The following MED13L variants were observed in gnomAD, a reference collection of about 807,000 sequenced individuals.
MED13L encodes mediator complex subunit 13L.
Under a neutral mutation model 220.9 loss-of-function variants are expected in MED13L, and 7 were observed. The ratio of observed to expected loss-of-function variants is 0.03; its 90% CI spans 0.02 to 0.06. The LOEUF is 0.06. Ranked by LOEUF, MED13L falls within the 10% of genes least tolerant of loss-of-function variation. The pLI, the probability that MED13L is intolerant of heterozygous loss-of-function variation, is 1.00. For synonymous variants in MED13L, 1,011 were observed against 1,015.2 expected (o/e 1.00, Z 0.08); for missense variants, 1,965 against 2,760.5 (o/e 0.71, Z 6.46).
intron 23 of MED13L, 108 bp downstream of exon 23, chr12:115,980,642 T>C (rs957124052): frequency 5.1e-6 from 6 of 1,175,856 alleles, no homozygotes; most frequent in African/African-American, 3.0e-5. Context: ...CTTATATCAA[T>C]GTAGAAGACC....
At chr12:116,124,577 G>GA (rs1007054773) in intron 2 of MED13L, among the ~76,000 whole-genome samples, 6 of 151,404 alleles carry the variant, frequency 4.0e-5, no homozygotes, top group African/African-American at 9.7e-5. Flanking sequence ...CTCCAAGACA[G>GA]AAAAAAAACT....
intron 2 of MED13L, chr12:116,181,396 T>C (rs550238643): frequency 5.3e-5 from 8 of 152,308 alleles, no homozygotes; most frequent in African/African-American, 1.9e-4. Flanking sequence ...CAAACCTAAA[T>C]TTCCTTTGCA....
intron 1 of MED13L, among the ~76,000 whole-genome samples, chr12:116,240,783 T>A (rs1565944736): frequency 1.2e-4 from 18 of 150,840 alleles, no homozygotes. Flanking sequence ...CACCTCCGCC[T>A]CCCAAAGTGC....
In MED13L at chr12:115,983,324, G is replaced by A; in HGVS notation, c.4748C>T (p.Ser1583Phe). The change falls in exon 21 of 31, where the codon TCT (serine) becomes TTT (phenylalanine). Residue 1583 changes from serine (S) to phenylalanine (F), a missense_variant. Transcript: ENST00000281928. ...GGCAGACGATGAGACCGGTGGCACA[G>A]AGGAACCAGATGCAGAACTACTTGC... ...PAASSSASGS[S>F]VPPVSSSASA... The A allele has an allele frequency of 6.2e-7, 1 of 1,614,198 alleles. No individual in the cohort carries two copies. The highest frequency in any genetic ancestry group is 8.5e-7 in the Non-Finnish European group (1 of 1,180,024).
At chr12:116,119,815 A>T (rs1181881466) in intron 2 of MED13L, among the ~76,000 whole-genome samples, 85 of 60,996 alleles carry the variant, frequency 1.4e-3, no homozygotes, top group South Asian at 8.4e-3. Flanking sequence ...TCTTTAAAAA[A>T]AAAAAAAAAA....
At chr12:116,157,737 T>C (rs538936824) in intron 2 of MED13L, among the ~76,000 whole-genome samples, 1 of 152,394 alleles carries the variant, frequency 6.6e-6, no homozygotes, top group African/African-American at 2.4e-5. Context: ...TACGTTATTA[T>C]GGTGCTTTTG....
chr12:116,224,488 G>C (rs1868760509), intron 2 of MED13L, among the ~76,000 whole-genome samples: 1 of 152,146 alleles, frequency 6.6e-6, no homozygotes, highest in Non-Finnish European at 1.5e-5. Context: ...ACAATGCTCT[G>C]TGTGTATATA....
chr12:115,987,043 C>T, intron 18 of MED13L, 66 bp downstream of exon 18: 2 of 1,522,728 alleles, frequency 1.3e-6, no homozygotes, highest in Non-Finnish European at 1.8e-6. Flanking sequence ...TTGACAGTAA[C>T]TAACGCTGCT....
At chr12:116,000,155 T>G (rs1279086746) in intron 14 of MED13L, among the ~76,000 whole-genome samples, 2 of 152,312 alleles carry the variant, frequency 1.3e-5, no homozygotes, top group Non-Finnish European at 2.9e-5. Flanking sequence ...CTGTCAAGTT[T>G]TGGGACTTTC....
At chr12:115,997,569 G>A (rs916770524) in intron 14 of MED13L, among the ~76,000 whole-genome samples, 5 of 152,106 alleles carry the variant, frequency 3.3e-5, no homozygotes, top group African/African-American at 1.2e-4. Context: ...CTATAGGCAC[G>A]TGCCACCATG....
intron 4 of MED13L, among the ~76,000 whole-genome samples, chr12:116,068,446 C>A (rs1255254178): frequency 6.6e-6 from 1 of 152,182 alleles, no homozygotes; most frequent in Non-Finnish European, 1.5e-5. Context: ...AATACAAACA[C>A]TCCTGATACA....
At position 115,961,209 on chromosome 12, in the gene MED13L, T is replaced by C. The variant is rs1875734050; in HGVS notation, c.*57A>G. 11 of 1,605,560 alleles carry C rather than the reference T, an allele frequency of 6.9e-6. No individual in the cohort carries two copies. The highest frequency in any genetic ancestry group is 1.7e-4 in the Middle Eastern group (1 of 6,044). On this transcript the variant is annotated 3_prime_UTR_variant, in exon 31 of 31. Coordinates refer to ENST00000281928, the MANE Select transcript of MED13L (RefSeq NM_015335.5). ...TTATTTGCAGAGTGTAGCAGGTTCC[T>C]TGGACTGAGGTTGCAGGGAGAAGGA... is the stretch of plus-strand genomic sequence containing the variant.
intron 9 of MED13L, among the ~76,000 whole-genome samples, chr12:116,011,519 C>A (rs1328638937): frequency 6.6e-6 from 1 of 152,154 alleles, no homozygotes; most frequent in Non-Finnish European, 1.5e-5. Context: ...AAGTTAAATA[C>A]ACTACAGTTT....
chr12:116,176,876 C>CAAAAAAAAAAAAAAAAAAAA (rs11285058), intron 2 of MED13L, among the ~76,000 whole-genome samples: 1 of 74,230 alleles, frequency 1.3e-5, no homozygotes, highest in Non-Finnish European at 2.6e-5. Flanking sequence ...AGAACTCAGC[C>CAAAAAAAAAAAAAAAAAAAA]AAAAAAAAAA....
intron 22 of MED13L, 147 bp from the exon 23 acceptor site, chr12:115,981,085 C>T: frequency 3.0e-6 from 2 of 668,240 alleles, no homozygotes; most frequent in Non-Finnish European, 2.6e-6. Flanking sequence ...TATATCTGTG[C>T]CACACATAAT....
At chr12:116,038,771 A>AAAG (rs1881349128) in intron 4 of MED13L, among the ~76,000 whole-genome samples, 1 of 143,694 alleles carries the variant, frequency 7.0e-6, no homozygotes, top group African/African-American at 2.6e-5. Flanking sequence ...AAAAAAAAAA[A>AAAG]GGAGAACCTG....
chr12:116,002,901 A>C (rs1878833041), intron 14 of MED13L, 102 bp downstream of exon 14: 3 of 980,088 alleles, frequency 3.1e-6, no homozygotes, highest in African/African-American at 1.6e-5. Context: ...GTCAAAAGGA[A>C]GGGAAATTTC....
intron 2 of MED13L, among the ~76,000 whole-genome samples, chr12:116,177,723 G>C (rs1880173747): frequency 6.6e-6 from 1 of 152,078 alleles, no homozygotes; most frequent in Admixed American, 6.6e-5. Flanking sequence ...AGGTAAATCT[G>C]ACCTATGAGG....
chr12:116,170,125 T>C (rs1249815709), intron 2 of MED13L, among the ~76,000 whole-genome samples: 2 of 152,176 alleles, frequency 1.3e-5, no homozygotes, highest in East Asian at 1.9e-4. Context: ...ATTTGGAAAA[T>C]ACTGGTTAAC....
Sources: allele counts gnomAD v4.1 joint callset (sites outside exome capture counted in the v4.1 genomes callset), GRCh38; gene constraint gnomAD v4.1.1; transcripts MANE v1.5; gene names NCBI Gene and HGNC (gene_info 2026-07-23, HGNC 2026-07-21).